The following ZNF445 variants were observed in gnomAD, a reference collection of about 807,000 sequenced individuals.
ZNF445 encodes zinc finger protein 168.
ZNF445 carries 19 observed loss-of-function variants against 93.9 expected under a neutral mutation model. That is an observed-to-expected ratio of 0.20 (90% CI 0.14 to 0.30). The LOEUF is 0.30. Among genes scored for constraint, ZNF445 ranks in the 10% least tolerant of loss-of-function variants. ZNF445 has a pLI of 1.00. For missense variants in ZNF445, 1,058 were observed against 1,259.4 expected (o/e 0.84, Z 2.42); for synonymous variants, 449 against 446.3 (o/e 1.01, Z -0.08).
chr3:44,450,526 C>T lies in ZNF445; in HGVS notation c.741G>A (p.Glu247=). 6.2e-6 allele frequency: 10 copies of T among 1,614,214 alleles called. No individual in the cohort carries two copies. The highest frequency in any genetic ancestry group is 7.6e-6 in the Non-Finnish European group (9 of 1,180,032). ...TCTGAGCAGAGTCCAGCCACCCCCA[C>T]TCGTCCTGGGAGAAGGTCACCTCCA... is the stretch of plus-strand genomic sequence containing the variant. ...KDVEVTFSQD[E]WGWLDSAQRN... Residue 247 remains glutamate, a synonymous_variant, in exon 6 of 8, where the codon GAG becomes GAA. Coordinates refer to ENST00000396077, the MANE Select transcript of ZNF445 (RefSeq NM_181489.6).
intron 1 of ZNF445, among the ~76,000 whole-genome samples, chr3:44,473,453 T>TCACACACACACA (rs377305681): frequency 9.5e-4 from 58 of 60,862 alleles, no homozygotes; most frequent in African/African-American, 3.7e-3. Flanking sequence ...AAACTCCACT[T>TCACACACACACA]CACACACACA....
intron 4 of ZNF445, 147 bp from the exon 5 acceptor site, chr3:44,451,109 G>A: frequency 2.0e-6 from 2 of 1,003,024 alleles, no homozygotes; most frequent in Non-Finnish European, 2.9e-6. Flanking sequence ...CAGTCTACTG[G>A]GGCCAGGAAA....
At position 44,431,939 on chromosome 3, in the gene ZNF445, A is replaced by G. The variant is rs1697558681; in HGVS notation, c.*14636T>C. 1 of 152,182 alleles carries G rather than the reference A, an allele frequency of 6.6e-6. No individual in the cohort carries two copies. Among genetic ancestry groups the G allele is most frequent in the African/African-American group, 2.4e-5 (1 of 41,436 alleles). The allele number at this position is 152,182 out of a possible 1,614,324, so 9.4% of individuals were successfully genotyped here. A position where few individuals can be genotyped will look rare whatever the true frequency, so the allele number is the denominator to read the frequency against. On this transcript the variant is annotated 3_prime_UTR_variant, in exon 8 of 8. Transcript: ENST00000396077. Reference sequence around the variant, plus strand: ...TTTTTATTTTTTATTTTTTTGAGACAGGGTCGCTCTGTCTTCTGGGCACCA... The same window carrying G: ...TTTTTATTTTTTATTTTTTTGAGACGGGGTCGCTCTGTCTTCTGGGCACCA...
rs192110241 is a variant in ZNF445, at chr3:44,472,935, T to A, written c.-269+4656A>T. Among the ~76,000 whole-genome samples, 280 of 152,236 alleles carry A rather than the reference T, an allele frequency of 1.8e-3. 2 individuals are homozygous for A. The highest frequency in any genetic ancestry group is 7.9e-4 in the Non-Finnish European group (54 of 68,006). ...CCCAGTTTCATTCCCACAAAGAAAATGGCTTTGAAAAGAACAGGGAAACTT... is the reference window on the plus strand; with the variant it reads ...CCCAGTTTCATTCCCACAAAGAAAAAGGCTTTGAAAAGAACAGGGAAACTT... On this transcript the variant is annotated intron_variant, in intron 1 of 7. Transcript: ENST00000396077.
rs1256334054 is a variant in ZNF445 at position 44,449,627 on chromosome 3, CAGAAG to C, written c.821-9_821-5del. 2 of 1,610,296 alleles carry C rather than the reference CAGAAG, an allele frequency of 1.2e-6. No homozygotes were observed. The highest frequency in any genetic ancestry group is 1.7e-6 in the Non-Finnish European group (2 of 1,176,684). On this transcript the variant is annotated splice_region_variant and splice_polypyrimidine_tract_variant and intron_variant, in intron 6 of 7. Coordinates refer to ENST00000396077, the MANE Select transcript of ZNF445 (RefSeq NM_181489.6). ...GCAGGTTTGGTGAATGGTCCCACTG[CAGAAG>C]AGAAGAGAATGGCATGAGAAGGGAG...
rs1224095005 is a variant in ZNF445 at position 44,437,186 on chromosome 3, T to C, written c.*9389A>G. 1.3e-5 allele frequency: 2 copies of C among 152,168 alleles called. No homozygotes were observed. The highest frequency in any genetic ancestry group is 2.4e-5 in the African/African-American group (1 of 41,448). 9.4% of individuals were successfully genotyped at this position (152,168 alleles called of 1,614,324 possible). A position where few individuals can be genotyped will look rare whatever the true frequency, so the allele number is the denominator to read the frequency against. On this transcript the variant is annotated 3_prime_UTR_variant, in exon 8 of 8. Coordinates refer to ENST00000396077, the MANE Select transcript of ZNF445 (RefSeq NM_181489.6). ...TTGCCATGGCAACTGTAAACTGTCA[T>C]GGCACTGGTGGGAGGGTAGCAGTGA...
chr3:44,476,908 C>CA (rs138834104), intron 1 of ZNF445, among the ~76,000 whole-genome samples: 1,777 of 146,408 alleles, frequency 0.012, 35 homozygotes, highest in African/African-American at 0.04. Context: ...TTATCCTCGC[C>CA]AAAAAAAAAA....
intron 1 of ZNF445, among the ~76,000 whole-genome samples, chr3:44,468,465 T>C (rs1469785182): frequency 2.6e-5 from 4 of 152,198 alleles, no homozygotes; most frequent in South Asian, 2.1e-4. Context: ...GGAGACTAGA[T>C]TGCCTTTGCG....
rs1575302056 is a variant in ZNF445 at position 44,437,523 on chromosome 3, A to G, written c.*9052T>C. 1 of 152,196 alleles carries G rather than the reference A, an allele frequency of 6.6e-6. No individual in the cohort carries two copies. Among genetic ancestry groups the G allele is most frequent in the East Asian group, 1.9e-4 (1 of 5,190 alleles). The allele number at this position is 152,196 out of a possible 1,614,324, so 9.4% of individuals were successfully genotyped here. A position where few individuals can be genotyped will look rare whatever the true frequency, so the allele number is the denominator to read the frequency against. On this transcript the variant is annotated 3_prime_UTR_variant, in exon 8 of 8. Coordinates refer to ENST00000396077, the MANE Select transcript of ZNF445 (RefSeq NM_181489.6). The stretch of plus-strand genomic sequence containing the variant: ...TTTATTAAGAAAGTAAAGTGGTGAA[A>G]GGACAGCTACTCCATAGAGTAGGAT...
intron 1 of ZNF445, among the ~76,000 whole-genome samples, chr3:44,465,001 AG>A (rs1698174339): frequency 6.9e-6 from 1 of 144,096 alleles, no homozygotes; most frequent in Non-Finnish European, 1.5e-5. Flanking sequence ...CGGCAGGCGG[AG>A]GTTGCAGTGA....
chr3:44,451,066 A>T (rs1479423384), intron 4 of ZNF445, 104 bp from the exon 5 acceptor site: 15 of 1,088,258 alleles, frequency 1.4e-5, no homozygotes, highest in Non-Finnish European at 2.0e-5. Context: ...GAGCAGGTAC[A>T]TAATGTTGTT....
Position 44,455,071 on chromosome 3 carries a change from C to T in ZNF445, c.429+50G>A, listed in dbSNP as rs75480297. 12,944 of 1,611,374 alleles carry T rather than the reference C, an allele frequency of 8.0e-3. 109 individuals carry two copies. The highest frequency in any genetic ancestry group is 0.018 in the Middle Eastern group (107 of 6,056). ...CCACCCCCATCCCCAGACAAGCTGG[C>T]TCACTAGCAGGCAGAGTTCCCTGGG... On this transcript the variant is annotated intron_variant, in intron 3 of 7. Transcript: ENST00000396077.
In ZNF445 at chr3:44,432,273, C is replaced by CTGTGTG. The variant is rs781032930; in HGVS notation, c.*14296_*14301dup. ...TCTACACTCATTTGTGTGTGTGTGT[C>CTGTGTG]TGTGTGTGTGTGTGTGTGTGTGTGT... On this transcript the variant is annotated 3_prime_UTR_variant, in exon 8 of 8. Coordinates refer to ENST00000396077, the MANE Select transcript of ZNF445 (RefSeq NM_181489.6). 0.068 allele frequency: 9,516 copies of CTGTGTG among 140,590 alleles called. 382 individuals carry two copies. The highest frequency in any genetic ancestry group is 0.11 in the African/African-American group (4,256 of 39,144). The allele number at this position is 140,590 out of a possible 1,614,324, so 8.7% of individuals were successfully genotyped here.
chr3:44,468,223 C>G (rs912712403), intron 1 of ZNF445, among the ~76,000 whole-genome samples: 1 of 152,096 alleles, frequency 6.6e-6, no homozygotes, highest in Non-Finnish European at 1.5e-5. Context: ...ATAACTTACA[C>G]CTTATTAAGG....
chr3:44,450,827 A>G, intron 5 of ZNF445, 41 bp downstream of exon 5: 1 of 1,477,580 alleles, frequency 6.8e-7, no homozygotes, highest in South Asian at 1.4e-5. Flanking sequence ...TTAGGCAGCG[A>G]CGTGGGGACA....
chr3:44,477,566 C>A (rs1559402346), intron 1 of ZNF445, 25 bp downstream of exon 1: 2 of 152,674 alleles, frequency 1.3e-5, no homozygotes, highest in South Asian at 3.6e-4. Context: ...CCACCCCCAC[C>A]CCCGCGCCCC....
chr3:44,461,938 A>AGCCCG (rs1698119506), intron 1 of ZNF445, among the ~76,000 whole-genome samples: 1 of 152,176 alleles, frequency 6.6e-6, no homozygotes, highest in African/African-American at 2.4e-5. Flanking sequence ...AGAGAAAGGG[A>AGCCCG]GCCCAGAAAC....
At chr3:44,475,030 C>T (rs188683848) in intron 1 of ZNF445, among the ~76,000 whole-genome samples, 2 of 151,906 alleles carry the variant, frequency 1.3e-5, no homozygotes, top group African/African-American at 2.4e-5. Context: ...GGGGATGGGG[C>T]GGGGCAGAGG....
rs553580287 is a variant in ZNF445 at position 44,437,403 on chromosome 3, C to A, written c.*9172G>T. 6.6e-6 allele frequency: 1 copy of A among 152,238 alleles called. No individual in the cohort carries two copies. Among genetic ancestry groups the A allele is most frequent in the Non-Finnish European group, 1.5e-5 (1 of 68,032 alleles). The allele number at this position is 152,238 out of a possible 1,614,324, so 9.4% of individuals were successfully genotyped here. On this transcript the variant is annotated 3_prime_UTR_variant, in exon 8 of 8. Coordinates refer to ENST00000396077, the MANE Select transcript of ZNF445 (RefSeq NM_181489.6). ...AGTAGGTCTCAGCCTCATTTTGTTA[C>A]AGGAAAGGGGTCCCGATCCAGACTC...
Sources: gnomAD v4.1 joint callset for allele counts (sites outside exome capture counted in the v4.1 genomes callset) on GRCh38, gnomAD v4.1.1 for gene constraint, MANE v1.5 for transcripts, NCBI Gene and HGNC (gene_info 2026-07-23, HGNC 2026-07-21) for gene names.